The following BRMS1L variants were observed in gnomAD, a reference collection of about 807,000 sequenced individuals.
BRMS1L encodes breast cancer metastasis-suppressor 1-like protein.
A neutral mutation model predicts 50.3 loss-of-function variants in BRMS1L; 23 were observed. The observed-to-expected ratio is 0.46, with a 90% confidence interval of 0.33 to 0.65. BRMS1L has a LOEUF of 0.65. BRMS1L is among the 30% of genes least tolerant of loss of function. The pLI is 0.02. For missense variants in BRMS1L, 286 were observed against 386.1 expected (o/e 0.74, Z 2.17); for synonymous variants, 114 against 126.9 (o/e 0.90, Z 0.69).
chr14:35,867,899 C>T lies in BRMS1L; in HGVS notation c.728-7C>T, dbSNP rs759731777. 3 of 1,569,204 alleles carry T rather than the reference C, an allele frequency of 1.9e-6. No homozygotes were observed. The African/African-American group carries it at 4.2e-5, about 22-fold the overall frequency. ...TAATATAACAGTTTTTGAACTGATC[C>T]CTTTAGCACCTGTGAAACTGGAAAA... On this transcript the variant is annotated splice_polypyrimidine_tract_variant and splice_region_variant and intron_variant, in intron 8 of 9. Coordinates refer to ENST00000216807, the MANE Select transcript of BRMS1L (RefSeq NM_032352.4).
chr14:35,860,208 C>A (rs1229871415), intron 4 of BRMS1L, among the ~76,000 whole-genome samples: 1 of 152,052 alleles, frequency 6.6e-6, no homozygotes, highest in Admixed American at 6.6e-5. Context: ...CGGCTTACTG[C>A]AACCTCCACC....
chr14:35,836,886 T>C (rs1168495112), intron 4 of BRMS1L, among the ~76,000 whole-genome samples: 1 of 152,118 alleles, frequency 6.6e-6, no homozygotes, highest in African/African-American at 2.4e-5. Flanking sequence ...GGAATGTTTT[T>C]CCATTTGTTT....
chr14:35,854,442 C>A (rs1033273908), intron 4 of BRMS1L, among the ~76,000 whole-genome samples: 1 of 152,186 alleles, frequency 6.6e-6, no homozygotes, highest in Non-Finnish European at 1.5e-5. Context: ...TTCTCACTGG[C>A]CGCATTTGAG....
At chr14:35,844,864 C>G (rs2078113437) in intron 4 of BRMS1L, among the ~76,000 whole-genome samples, 1 of 152,168 alleles carries the variant, frequency 6.6e-6, no homozygotes, top group Admixed American at 6.5e-5. Flanking sequence ...TTACATACCT[C>G]TCTTTTTTAA....
intron 5 of BRMS1L, 57 bp downstream of exon 5, chr14:35,862,743 T>C: frequency 1.7e-6 from 2 of 1,178,802 alleles, no homozygotes; most frequent in South Asian, 2.8e-5. Context: ...TGGTTTACTG[T>C]AGTGTCATAT....
intron 4 of BRMS1L, among the ~76,000 whole-genome samples, chr14:35,860,428 G>A (rs112015463): frequency 0.03 from 4,625 of 152,168 alleles, 193 homozygotes; most frequent in African/African-American, 0.088. Flanking sequence ...ATGAGCCACC[G>A]TGGCTGGCCT....
At chr14:35,844,217 C>T (rs1056261300) in intron 4 of BRMS1L, among the ~76,000 whole-genome samples, 2 of 152,084 alleles carry the variant, frequency 1.3e-5, no homozygotes, top group Admixed American at 6.6e-5. Context: ...GCTGGTGTTC[C>T]AGGTACCACT....
At position 35,833,053 on chromosome 14, in the gene BRMS1L, G is replaced by A; in HGVS notation, c.309G>A (p.Leu103=). Residue 103 remains leucine (L), a synonymous_variant, in exon 3 of 10, where the codon TTG becomes TTA. Transcript: ENST00000216807. The stretch of plus-strand genomic sequence containing the variant: ...TAGCTGGAAAAGCACCAGAATACTT[G>A]GAACCGCTGGCAACTTTACAGGAAA... ...EVIAGKAPEY[L]EPLATLQENM... The A allele has an allele frequency of 6.2e-7, 1 of 1,613,412 alleles. No individual in the cohort carries two copies. Among genetic ancestry groups the A allele is most frequent in the Admixed American group, 1.7e-5 (1 of 59,988 alleles).
chr14:35,841,339 G>A (rs2142044131), intron 4 of BRMS1L, among the ~76,000 whole-genome samples: 1 of 151,170 alleles, frequency 6.6e-6, no homozygotes, highest in South Asian at 2.1e-4. Context: ...TTGAGATGGA[G>A]TCTTGCTCTG....
At chr14:35,847,239 A>G (rs191558331) in intron 4 of BRMS1L, among the ~76,000 whole-genome samples, 3 of 152,214 alleles carry the variant, frequency 2.0e-5, no homozygotes, top group Admixed American at 2.0e-4. Context: ...TGGCCTCCCA[A>G]AGTCCTCAAA....
intron 4 of BRMS1L, among the ~76,000 whole-genome samples, chr14:35,835,497 A>C (rs1198876023): frequency 6.6e-6 from 1 of 152,214 alleles, no homozygotes; most frequent in Non-Finnish European, 1.5e-5. Context: ...CAAGCTTAAC[A>C]TTCCAGTAAT....
At chr14:35,853,018 A>ATCTATC (rs1425702944) in intron 4 of BRMS1L, among the ~76,000 whole-genome samples, 6,959 of 146,702 alleles carry the variant, frequency 0.047, 236 homozygotes, top group East Asian at 0.2. Flanking sequence ...ATCTATCTAT[A>ATCTATC]TATAGAGAGA....
rs1280891774 is a variant in BRMS1L at position 35,833,102 on chromosome 14, G to A, written c.358G>A (p.Ala120Thr). ...QENMQIRTKV[A>T]GIYRELCLES... is the part of the protein sequence containing the mutation. ...AAATATGCAAATTCGTACAAAGGTA[G>A]CAGGTAGGAAAGTGAAGAATCTTTT... Residue 120 changes from alanine to threonine, a missense_variant, in exon 3 of 10, where the codon GCA becomes ACA. Ala to Thr is a moderately conservative substitution (Grantham distance 58). Around this residue, in one of 5 missense-constraint regions of BRMS1L, gnomAD observed 160 missense variants for 240.6 expected, o/e 0.66. Coordinates refer to ENST00000216807, the MANE Select transcript of BRMS1L (RefSeq NM_032352.4). 1 of 1,610,616 alleles carries A rather than the reference G, an allele frequency of 6.2e-7. No homozygotes were observed. Among genetic ancestry groups the A allele is most frequent in the African/African-American group, 1.3e-5 (1 of 74,862 alleles).
At chr14:35,838,425 T>A (rs2078020242) in intron 4 of BRMS1L, among the ~76,000 whole-genome samples, 1 of 152,214 alleles carries the variant, frequency 6.6e-6, no homozygotes. Context: ...TATTTCTGGT[T>A]CTAGATGCTT....
At chr14:35,857,983 G>A (rs2078303040) in intron 4 of BRMS1L, among the ~76,000 whole-genome samples, 1 of 138,870 alleles carries the variant, frequency 7.2e-6, no homozygotes, top group Non-Finnish European at 1.5e-5. Flanking sequence ...ACAAAATAAA[G>A]AGCATGTTAC....
chr14:35,866,183 C>G (rs1176923691), intron 8 of BRMS1L: 1 of 157,162 alleles, frequency 6.4e-6, no homozygotes, highest in African/African-American at 2.4e-5. Context: ...AAATTCATAT[C>G]AAGTTACACT....
intron 4 of BRMS1L, among the ~76,000 whole-genome samples, chr14:35,859,963 T>A (rs780516787): frequency 1.2e-4 from 18 of 152,184 alleles, no homozygotes; most frequent in Non-Finnish European, 2.1e-4. Context: ...ATGAACTGTT[T>A]AATAAAAAAA....
Position 35,826,450 on chromosome 14 carries a change from G to C in BRMS1L, c.-67G>C. On this transcript the variant is annotated 5_prime_UTR_variant, in exon 1 of 10. Coordinates refer to ENST00000216807, the MANE Select transcript of BRMS1L (RefSeq NM_032352.4). The stretch of plus-strand genomic sequence containing the variant: ...CTGGGTGGGTTGGGGCGTTCCGCGC[G>C]CCCTTCATTGAAGCGGCGGTGGCCG... 1 of 1,546,866 alleles carries C rather than the reference G, an allele frequency of 6.5e-7. No homozygotes were observed. The highest frequency in any genetic ancestry group is 1.4e-5 in the African/African-American group (1 of 73,252).
chr14:35,868,128 C>T (rs945366884), intron 9 of BRMS1L, 96 bp downstream of exon 9: 9 of 1,264,540 alleles, frequency 7.1e-6, no homozygotes, highest in Non-Finnish European at 9.6e-6. Flanking sequence ...GTGCCTATAT[C>T]ATTAGTTGCT....
Sources: allele counts gnomAD v4.1 joint callset (sites outside exome capture counted in the v4.1 genomes callset), GRCh38; gene constraint gnomAD v4.1.1; regional missense constraint gnomAD v4.1.1; transcripts MANE v1.5; gene names NCBI Gene and HGNC (gene_info 2026-07-23, HGNC 2026-07-21).